Variants in AHNAK2 observed in about 807,000 individuals in gnomAD.
The protein encoded by AHNAK2 is protein AHNAK2.
Under a neutral mutation model 30.7 loss-of-function variants are expected in AHNAK2, and 18 were observed. The ratio of observed to expected loss-of-function variants is 0.59; its 90% CI spans 0.41 to 0.87. The LOEUF is 0.87. Among genes scored for constraint, AHNAK2 ranks in the 40% least tolerant of loss-of-function variants. The probability of loss-of-function intolerance (pLI) is 0.00; values close to 1 mark genes in which losing one functional copy is unlikely to be tolerated. For synonymous variants in AHNAK2, 3,590 were observed against 3,073.8 expected (o/e 1.17, Z -5.56); for missense variants, 8,604 against 7,373.0 (o/e 1.17, Z -6.11).
chr14:104,965,158 G>T (rs952376960), intron 1 of AHNAK2, among the ~76,000 whole-genome samples: 1 of 152,182 alleles, frequency 6.6e-6, no homozygotes, highest in Non-Finnish European at 1.5e-5. Flanking sequence ...GAAGCCAAAA[G>T]ATAGGACGGA....
rs1234882370 is a variant in AHNAK2, at chr14:104,948,709, T to G, written c.6742A>C (p.Lys2248Gln). ...ATTTCGGGGCCCTTGAGGTCCACTT[T>G]GGGCACCTTGAAACTGGGCATCTGC... ...KLQMPSFKVP[K>Q]VDLKGPEIDI... The change falls in exon 7 of 7, where the codon AAA becomes CAA. Residue 2248 changes from lysine (K) to glutamine (Q), a missense_variant. Transcript: ENST00000333244. 1.2e-6 allele frequency: 2 copies of G among 1,611,300 alleles called. No homozygotes were observed. The highest frequency in any genetic ancestry group is 3.3e-5 in the Admixed American group (2 of 59,832).
At position 104,943,065 on chromosome 14, in the gene AHNAK2, T is replaced by C; in HGVS notation, c.12386A>G (p.Lys4129Arg). The C allele has an allele frequency of 1.9e-6, 3 of 1,612,546 alleles. No individual in the cohort carries two copies. The highest frequency in any genetic ancestry group is 2.5e-6 in the Non-Finnish European group (3 of 1,179,338). The change falls in exon 7 of 7, where the codon AAA (lysine) becomes AGA (arginine). Residue 4129 changes from lysine to arginine, a missense_variant. Coordinates refer to ENST00000333244, the MANE Select transcript of AHNAK2 (RefSeq NM_138420.4). Reference protein sequence around the residue: ...LSLADKDVTAKDSKFKMPKFK... With the variant: ...LSLADKDVTARDSKFKMPKFK... ...CTTGGGCATTTTGAACTTGCTGTCTTTGGCAGTCACATCCTTGTCGGCCAG... is the reference window on the plus strand; with the variant it reads ...CTTGGGCATTTTGAACTTGCTGTCTCTGGCAGTCACATCCTTGTCGGCCAG...
Position 104,943,921 on chromosome 14 carries a change from CCTGCATGGAG to C in AHNAK2, c.11520_11529del (p.Ser3841GlyfsTer17). 6.2e-7 allele frequency: 1 copy of C among 1,613,188 alleles called. No individual in the cohort carries two copies. The highest frequency in any genetic ancestry group is 8.5e-7 in the Non-Finnish European group (1 of 1,179,608). ...CTGAGGTCAGTGGTCTTGAGGTCCC[CCTGCATGGAG>C]GGGAGACTCACATCGGCCTCCACCT... On this transcript the variant is annotated frameshift_variant, in exon 7 of 7. Coordinates refer to ENST00000333244, the MANE Select transcript of AHNAK2 (RefSeq NM_138420.4). LOFTEE classifies it low-confidence loss of function (END_TRUNC).
At position 104,938,228 on chromosome 14, in the gene AHNAK2, G is replaced by A. The variant is rs533237102; in HGVS notation, c.17223C>T (p.Ser5741=). ...GTTCACCCTCTTCCTTCTCTTCAGGGGAGAAACTTTCTCGGGCATCAAAAA... is the reference window on the plus strand; with the variant it reads ...GTTCACCCTCTTCCTTCTCTTCAGGAGAGAAACTTTCTCGGGCATCAAAAA... ...ITFFDARESF[S]PEEKEEGELI... The change falls in exon 7 of 7, where the codon TCC becomes TCT. Residue 5741 remains serine (S), a synonymous_variant. Coordinates refer to ENST00000333244, the MANE Select transcript of AHNAK2 (RefSeq NM_138420.4). 1 of 1,613,832 alleles carries A rather than the reference G, an allele frequency of 6.2e-7. No homozygotes were observed. Among genetic ancestry groups the A allele is most frequent in the Non-Finnish European group, 8.5e-7 (1 of 1,179,872 alleles).
chr14:104,947,686 T>G lies in AHNAK2; in HGVS notation c.7765A>C (p.Lys2589Gln). ...MDLKGPQLDV[K>Q]GPKLDLKGPK... ...CCTTTCAGGTCCAGCTTGGGGCCCT[T>G]GACATCTAGCTGGGGGCCCTTGAGG... The change falls in exon 7 of 7, where the codon AAG becomes CAG. Residue 2589 changes from lysine to glutamine, a missense_variant. By Grantham distance (53) the Lys-to-Gln change is moderately conservative. Transcript: ENST00000333244. 6.2e-7 allele frequency: 1 copy of G among 1,612,686 alleles called. No homozygotes were observed. Among genetic ancestry groups the G allele is most frequent in the Non-Finnish European group, 8.5e-7 (1 of 1,179,564 alleles).
At position 104,943,384 on chromosome 14, in the gene AHNAK2, C is replaced by T. The variant is rs200136053; in HGVS notation, c.12067G>A (p.Ala4023Thr). 31 of 1,612,760 alleles carry T rather than the reference C, an allele frequency of 1.9e-5. No individual in the cohort carries two copies. The highest frequency in any genetic ancestry group is 5.4e-5 in the African/African-American group (4 of 74,594). Residue 4023 changes from alanine to threonine, a missense_variant, in exon 7 of 7, where the codon GCT becomes ACT. Transcript: ENST00000333244. Reference sequence around the variant, plus strand: ...TGGCCAGCCTGGACCTCCAGGTCAGCGGAAGGGGGCTGAACGCTGAGGTCA... The same window carrying T: ...TGGCCAGCCTGGACCTCCAGGTCAGTGGAAGGGGGCTGAACGCTGAGGTCA... ...ATDLSVQPPS[A>T]DLEVQAGQVD...
chr14:104,968,775 TGTGTGTGCACAC>T (rs1034748948), intron 1 of AHNAK2, among the ~76,000 whole-genome samples: 1 of 152,148 alleles, frequency 6.6e-6, no homozygotes, highest in African/African-American at 2.4e-5. Context: ...GGTTTGCAGG[TGTGTGTGCACAC>T]GTGTGTGCTC....
In AHNAK2 at chr14:104,948,230, G is replaced by C. The variant is rs775359340; in HGVS notation, c.7221C>G (p.Pro2407=). 6.2e-7 allele frequency: 1 copy of C among 1,612,458 alleles called. No individual in the cohort carries two copies. Among genetic ancestry groups the C allele is most frequent in the East Asian group, 2.2e-5 (1 of 44,696 alleles). The change falls in exon 7 of 7, where the codon CCC becomes CCG. Residue 2407 remains proline (P), a synonymous_variant. Transcript: ENST00000333244. The part of the protein sequence containing the change: ...LKGHLPKLQM[P]SFKMPKVDLK... ...GATCTACTTTGGGCATCTTGAAACTGGGCATCTGCAGCTTGGGCAGGTGCC... is the reference window on the plus strand; with the variant it reads ...GATCTACTTTGGGCATCTTGAAACTCGGCATCTGCAGCTTGGGCAGGTGCC...
Position 104,953,913 on chromosome 14 carries a change from C to A in AHNAK2, c.1538G>T (p.Arg513Leu), listed in dbSNP as rs368381501. 1.2e-6 allele frequency: 2 copies of A among 1,614,000 alleles called. No homozygotes were observed. The highest frequency in any genetic ancestry group is 2.7e-5 in the African/African-American group (2 of 75,044). ...ERERRLSTPQRGKRQDASSKA... is the reference protein window; with the variant it reads ...ERERRLSTPQLGKRQDASSKA... ...TGAGGACGCATCCTGTCTCTTCCCT[C>A]GCTGTGGGGTACTAAGGCGCCTTTC... Residue 513 changes from arginine (R) to leucine (L), a missense_variant, in exon 7 of 7, where the codon CGA becomes CTA. Physicochemically the swap from Arg to Leu is moderately radical, Grantham distance 102. Transcript: ENST00000333244.
At chr14:104,973,553 C>T (rs958401279) in intron 1 of AHNAK2, among the ~76,000 whole-genome samples, 2 of 152,300 alleles carry the variant, frequency 1.3e-5, no homozygotes, top group Admixed American at 6.5e-5. Context: ...ACCTGACAGC[C>T]CCTCCAGCCG....
chr14:104,955,246 A>T, intron 5 of AHNAK2, 105 bp from the exon 6 acceptor site: 1 of 1,387,234 alleles, frequency 7.2e-7, no homozygotes, highest in Non-Finnish European at 9.8e-7. Context: ...AATAGGGGGA[A>T]TCCCACTGAG....
Position 104,962,946 on chromosome 14 carries a change from G to A in AHNAK2, c.56-5274C>T, listed in dbSNP as rs143067613. ...TATAGGAGAACTTCTTTAACACCTC[G>A]AGGGCAGCAAAGTTTTCTTAGGATA... On this transcript the variant is annotated intron_variant, in intron 1 of 6. Coordinates refer to ENST00000333244, the MANE Select transcript of AHNAK2 (RefSeq NM_138420.4). 4.6e-5 allele frequency among the ~76,000 whole-genome samples: 7 copies of A among 152,240 alleles called. No individual in the cohort carries two copies. In the East Asian group the frequency reaches 1.2e-3, roughly 25 times the overall value.
Position 104,966,542 on chromosome 14 carries a change from G to A in AHNAK2, c.56-8870C>T, listed in dbSNP as rs1043446389. Among the ~76,000 whole-genome samples the A allele has an allele frequency of 1.3e-5, 2 of 152,002 alleles. No individual in the cohort carries two copies. Among genetic ancestry groups the A allele is most frequent in the Non-Finnish European group, 2.9e-5 (2 of 68,002 alleles). ...GGGCCCCTGCTGCTCCCACCTGGAC[G>A]CACCCCCAACCTGCACAGACAGAAC... On this transcript the variant is annotated intron_variant, in intron 1 of 6. Coordinates refer to ENST00000333244, the MANE Select transcript of AHNAK2 (RefSeq NM_138420.4). The surrounding 1 kb of genome is among the most constrained non-coding windows in gnomAD (Gnocchi z 4.3).
chr14:104,939,154 C>A lies in AHNAK2; in HGVS notation c.16297G>T (p.Gly5433Ter). Residue 5433 changes from glycine (G) to a stop codon, truncating the protein, a stop_gained, in exon 7 of 7, where the codon GGA becomes TGA. Coordinates refer to ENST00000333244, the MANE Select transcript of AHNAK2 (RefSeq NM_138420.4). LOFTEE classifies it low-confidence loss of function (END_TRUNC). ...GCACCTGCCTTCAGGATGCTGGCTC[C>A]CCAGAGCCCCGGACTTTCCTTACAA... ...ALCKESPGLW[G>*]ASILKAGAGV... 6.2e-7 allele frequency: 1 copy of A among 1,612,106 alleles called. No individual in the cohort carries two copies. Among genetic ancestry groups the A allele is most frequent in the South Asian group, 1.1e-5 (1 of 90,802 alleles).
chr14:104,956,501 C>T lies in AHNAK2; in HGVS notation c.315+87G>A. On this transcript the variant is annotated intron_variant, in intron 4 of 6. Coordinates refer to ENST00000333244, the MANE Select transcript of AHNAK2 (RefSeq NM_138420.4). ...GCACACTGCCAGCCTCTTTGCTCCT[C>T]CCCTGCCTGCTCTGACCTCGGACTC... 2.9e-6 allele frequency: 4 copies of T among 1,388,244 alleles called. No individual in the cohort carries two copies. The African/African-American group carries it at 4.2e-5, about 15-fold the overall frequency. 86.0% of individuals were successfully genotyped at this position (1,388,244 alleles called of 1,614,324 possible).
At position 104,950,639 on chromosome 14, in the gene AHNAK2, G is replaced by T. The variant is rs759932454; in HGVS notation, c.4812C>A (p.Asp1604Glu). ...PQIDVKGPKL[D>E]LKGPKVEVTA... ...TCACTTCCACCTTGGGGCCTTTCAG[G>T]TCCAGCTTGGGGCCCTTAACATCTA... Residue 1604 changes from aspartate (D) to glutamate (E), a missense_variant, in exon 7 of 7, where the codon GAC (aspartate) becomes GAA (glutamate). Physicochemically the swap from Asp to Glu is conservative, Grantham distance 45. Transcript: ENST00000333244. The T allele has an allele frequency of 1.3e-5, 21 of 1,586,702 alleles. 2 individuals are homozygous for T. The highest frequency in any genetic ancestry group is 1.8e-5 in the Non-Finnish European group (21 of 1,162,696).
chr14:104,947,608 C>T lies in AHNAK2; in HGVS notation c.7843G>A (p.Glu2615Lys), dbSNP rs751737451. 3 of 1,613,250 alleles carry T rather than the reference C, an allele frequency of 1.9e-6. No individual in the cohort carries two copies. The highest frequency in any genetic ancestry group is 1.1e-5 in the South Asian group (1 of 91,058). ...PDVEMSLSSM[E>K]VDVQAPRAKL... ...GCTCTCGGGGCCTGGACGTCCACCT[C>T]CATGCTGGACAGAGACATCTCCACA... is the stretch of plus-strand genomic sequence containing the variant. Residue 2615 changes from glutamate to lysine, a missense_variant, in exon 7 of 7, where the codon GAG (glutamate) becomes AAG (lysine). Transcript: ENST00000333244.
rs1566898976 is a variant in AHNAK2, at chr14:104,942,703, C to T, written c.12748G>A (p.Ala4250Thr). 6.2e-7 allele frequency: 1 copy of T among 1,613,344 alleles called. No homozygotes were observed. Among genetic ancestry groups the T allele is most frequent in the African/African-American group, 1.3e-5 (1 of 74,816 alleles). The stretch of plus-strand genomic sequence containing the variant: ...TCCACGACGGGGGTCATCACATCCG[C>T]CTTGGGGCCTTTCAGGTCCAGCTTG... ...GPKLDLKGPK[A>T]DVMTPVVEVS... is the part of the protein sequence containing the mutation. Residue 4250 changes from alanine (A) to threonine (T), a missense_variant, in exon 7 of 7, where the codon GCG (alanine) becomes ACG (threonine). By Grantham distance (58) the Ala-to-Thr change is moderately conservative. Transcript: ENST00000333244.
At position 104,941,448 on chromosome 14, in the gene AHNAK2, A is replaced by C; in HGVS notation, c.14003T>G (p.Val4668Gly). ...FHEKTSTFPI[V>G]ESVVHEGDLH... ...ATCACCTTCATGAACAACAGATTCC[A>C]CAATGGGAAATGTGGAAGTCTTCTC... The change falls in exon 7 of 7, where the codon GTG becomes GGG. Residue 4668 changes from valine to glycine, a missense_variant. Physicochemically the swap from Val to Gly is moderately radical, Grantham distance 109. Coordinates refer to ENST00000333244, the MANE Select transcript of AHNAK2 (RefSeq NM_138420.4). 6.2e-7 allele frequency: 1 copy of C among 1,612,682 alleles called. No homozygotes were observed. Among genetic ancestry groups the C allele is most frequent in the Non-Finnish European group, 8.5e-7 (1 of 1,179,368 alleles).
Sources: allele counts gnomAD v4.1 joint callset (sites outside exome capture counted in the v4.1 genomes callset), GRCh38; gene constraint gnomAD v4.1.1; non-coding constraint Gnocchi (gnomAD v3.1); transcripts MANE v1.5; gene names NCBI Gene and HGNC (gene_info 2026-07-23, HGNC 2026-07-21).